Variants in CNTN5 observed in about 807,000 individuals in gnomAD.
CNTN5 encodes the protein contactin-5.
A neutral mutation model predicts 129.1 loss-of-function variants in CNTN5; 77 were observed. The observed-to-expected ratio is 0.60, with a 90% CI of 0.50 to 0.72. CNTN5 has a LOEUF of 0.72. Among genes scored for constraint, CNTN5 ranks in the 30% least tolerant of loss-of-function variants. The probability of loss-of-function intolerance (pLI) is 0.00; values close to 1 mark genes in which losing one functional copy is unlikely to be tolerated. For synonymous variants in CNTN5, 509 were observed against 465.6 expected, an observed-to-expected ratio of 1.09 and a Z score of -1.20; for missense variants, 1,478 against 1,328.8, an observed-to-expected ratio of 1.11 and a Z score of -1.75.
chr11:100,178,578 G>C (rs1034953199), intron 13 of CNTN5, among the ~76,000 whole-genome samples: 3 of 152,140 alleles, frequency 2.0e-5, no homozygotes, highest in African/African-American at 7.2e-5. Context: ...TGCCATTATG[G>C]CATAGCACAA....
In CNTN5 at chr11:99,722,149, A is replaced by C. The variant is rs778286494; in HGVS notation, c.56-97395A>C. Among the ~76,000 whole-genome samples, 8 of 152,170 alleles carry C rather than the reference A, an allele frequency of 5.3e-5. No individual in the cohort carries two copies. In the South Asian group the frequency reaches 1.7e-3, roughly 31 times the overall value. On this transcript the variant is annotated intron_variant, in intron 3 of 24. Coordinates refer to ENST00000524871, the MANE Select transcript of CNTN5 (RefSeq NM_014361.4). Reference sequence around the variant, plus strand: ...ATTACTGATATATACCATGACAAATATAAATCATTAATCCATAAAGATATA... The same window carrying C: ...ATTACTGATATATACCATGACAAATCTAAATCATTAATCCATAAAGATATA...
chr11:99,320,685 CT>C (rs1242356683), intron 1 of CNTN5, among the ~76,000 whole-genome samples: 2 of 152,086 alleles, frequency 1.3e-5, no homozygotes, highest in Admixed American at 1.3e-4. Context: ...GTACAGATAT[CT>C]TTTTTTATTC....
At chr11:99,950,480 C>CAAGTAAAAAAAATA (rs1950647814) in intron 7 of CNTN5, among the ~76,000 whole-genome samples, 1 of 149,916 alleles carries the variant, frequency 6.7e-6, no homozygotes, top group African/African-American at 2.4e-5. Flanking sequence ...GACTCCGTCT[C>CAAGTAAAAAAAATA]AAGTAAAAAA....
At chr11:99,819,817 C>G in intron 4 of CNTN5, 52 bp downstream of exon 4, 2 of 582,502 alleles carry the variant, frequency 3.4e-6, no homozygotes, top group South Asian at 7.0e-5. Flanking sequence ...GCAAAGAAGA[C>G]TTATTTAATA....
At chr11:99,108,872 G>C (rs546361338) in intron 1 of CNTN5, among the ~76,000 whole-genome samples, 1 of 151,860 alleles carries the variant, frequency 6.6e-6, no homozygotes, top group Non-Finnish European at 1.5e-5. Context: ...ACTTAAAAAT[G>C]GTTATACATA....
chr11:100,311,869 C>A lies in CNTN5; in HGVS notation c.2730+3401C>A, dbSNP rs532004352. ...GATTACTCAAGAGTGACAGTCAAGA[C>A]CATCAGAGCACAATGTTTTCACTAG... On this transcript the variant is annotated intron_variant, in intron 21 of 24. Transcript: ENST00000524871. 1.8e-3 allele frequency among the ~76,000 whole-genome samples: 267 copies of A among 152,058 alleles called. 1 individual carries two copies. Among genetic ancestry groups the A allele is most frequent in the African/African-American group, 6.2e-3 (259 of 41,520 alleles).
chr11:99,716,111 A>G (rs992173832), intron 3 of CNTN5, among the ~76,000 whole-genome samples: 1 of 151,998 alleles, frequency 6.6e-6, no homozygotes, highest in East Asian at 1.9e-4. Flanking sequence ...TTGATAGTCT[A>G]TTGTAATCAC....
At chr11:99,910,944 A>G (rs1949642820) in intron 6 of CNTN5, among the ~76,000 whole-genome samples, 2 of 152,226 alleles carry the variant, frequency 1.3e-5, no homozygotes, top group Middle Eastern at 3.4e-3. Context: ...ATATGCAATC[A>G]CTTTGCAAGT....
rs190144955 is a variant in CNTN5 at position 99,364,583 on chromosome 11, A to G, written c.-71+39099A>G. Among the ~76,000 whole-genome samples the G allele has an allele frequency of 6.6e-3, 1,010 of 152,274 alleles. 6 individuals carry two copies. The highest frequency in any genetic ancestry group is 0.011 in the Non-Finnish European group (745 of 68,002). On this transcript the variant is annotated intron_variant, in intron 2 of 24. Coordinates refer to ENST00000524871, the MANE Select transcript of CNTN5 (RefSeq NM_014361.4). Reference sequence around the variant, plus strand: ...AGTTCACAGAACAAGCAAAGATTCAAAACTATGTTACATTTTAACCATTAA... The same window carrying G: ...AGTTCACAGAACAAGCAAAGATTCAGAACTATGTTACATTTTAACCATTAA...
intron 3 of CNTN5, among the ~76,000 whole-genome samples, chr11:99,809,898 T>C (rs1483359947): frequency 6.6e-6 from 1 of 152,158 alleles, no homozygotes; most frequent in Non-Finnish European, 1.5e-5. Context: ...ACTGAAATCT[T>C]TAATTATCCA....
intron 6 of CNTN5, among the ~76,000 whole-genome samples, chr11:99,847,951 G>A (rs1442714414): frequency 6.6e-6 from 1 of 152,168 alleles, no homozygotes; most frequent in African/African-American, 2.4e-5. Flanking sequence ...GGTGGCTCAC[G>A]CCCATAACCC....
At chr11:99,347,563 T>A (rs1467690747) in intron 2 of CNTN5, among the ~76,000 whole-genome samples, 2 of 152,228 alleles carry the variant, frequency 1.3e-5, no homozygotes, top group Non-Finnish European at 2.9e-5. Context: ...TGTTAGGCAG[T>A]TCAGTCCCAC....
chr11:99,896,485 C>T (rs556941594), intron 6 of CNTN5, among the ~76,000 whole-genome samples: 3 of 152,084 alleles, frequency 2.0e-5, no homozygotes, highest in East Asian at 1.9e-4. Flanking sequence ...GTAGCAGGCA[C>T]GTGATGTACC....
intron 7 of CNTN5, among the ~76,000 whole-genome samples, chr11:99,941,073 A>C (rs1950424462): frequency 6.6e-6 from 1 of 152,118 alleles, no homozygotes; most frequent in Non-Finnish European, 1.5e-5. Context: ...TATACGTTTC[A>C]TTAATTTTCT....
intron 2 of CNTN5, among the ~76,000 whole-genome samples, chr11:99,510,724 C>T (rs950053328): frequency 6.6e-6 from 1 of 152,102 alleles, no homozygotes; most frequent in South Asian, 2.1e-4. Context: ...CTGCTGTAAA[C>T]AAAACTATTG....
chr11:99,348,165 G>A (rs1017454292), intron 2 of CNTN5, among the ~76,000 whole-genome samples: 5 of 151,904 alleles, frequency 3.3e-5, no homozygotes, highest in African/African-American at 9.7e-5. Flanking sequence ...TGGTGAAACC[G>A]CATCTCTACT....
intron 6 of CNTN5, among the ~76,000 whole-genome samples, chr11:99,913,625 T>C (rs1949716711): frequency 2.0e-5 from 3 of 152,076 alleles, no homozygotes; most frequent in South Asian, 4.1e-4. Flanking sequence ...TTTTGGGTCA[T>C]TGGGATCTCA....
chr11:100,110,139 A>G (rs935300485), intron 13 of CNTN5, among the ~76,000 whole-genome samples: 1 of 151,470 alleles, frequency 6.6e-6, no homozygotes, highest in East Asian at 1.9e-4. Context: ...GTGAGCAGAG[A>G]TGGCGCCACT....
intron 16 of CNTN5, among the ~76,000 whole-genome samples, chr11:100,245,085 G>A (rs1048563465): frequency 6.6e-6 from 1 of 152,068 alleles, no homozygotes; most frequent in Non-Finnish European, 1.5e-5. Context: ...GAAATCCACT[G>A]ATTTTCATGA....
Sources: gnomAD v4.1 joint callset for allele counts (sites outside exome capture counted in the v4.1 genomes callset) on GRCh38, gnomAD v4.1.1 for gene constraint, MANE v1.5 for transcripts, NCBI Gene and HGNC (gene_info 2026-07-23, HGNC 2026-07-21) for gene names.